The following NPAS3 variants were observed in gnomAD, a reference collection of about 807,000 sequenced individuals.
NPAS3 encodes the protein neuronal PAS domain-containing protein 3.
A neutral mutation model predicts 73.1 loss-of-function variants in NPAS3; 14 were observed. That is an observed-to-expected ratio of 0.19 (90% confidence interval 0.13 to 0.30). The LOEUF (loss-of-function observed/expected upper bound fraction) is 0.30. NPAS3 is among the 10% of genes least tolerant of loss of function. The probability of loss-of-function intolerance (pLI) is 1.00; values close to 1 mark genes in which losing one functional copy is unlikely to be tolerated. For synonymous variants in NPAS3, 620 were observed against 541.5 expected (o/e 1.14, Z -2.01); for missense variants, 1,096 against 1,250.0 (o/e 0.88, Z 1.86).
chr14:32,937,904 G>A (rs538572321), upstream of NPAS3, among the ~76,000 whole-genome samples: 6 of 152,228 alleles, frequency 3.9e-5, no homozygotes, highest in South Asian at 1.2e-3. Flanking sequence ...AAAACGCTCT[G>A]ACCAGGGTCT....
chr14:33,459,385 A>C (rs781523323), intron 4 of NPAS3, among the ~76,000 whole-genome samples: 4 of 152,230 alleles, frequency 2.6e-5, no homozygotes, highest in African/African-American at 9.6e-5. Context: ...AAACTATAAA[A>C]TATTATACAA....
intron 4 of NPAS3, among the ~76,000 whole-genome samples, chr14:33,521,954 G>GTA (rs1419003221): frequency 1.3e-5 from 2 of 152,022 alleles, no homozygotes; most frequent in Non-Finnish European, 2.9e-5. Flanking sequence ...TTACCTATTT[G>GTA]ATTAATTTGT....
At chr14:32,970,594 C>A (rs972664325) in intron 1 of NPAS3, among the ~76,000 whole-genome samples, 1 of 152,110 alleles carries the variant, frequency 6.6e-6, no homozygotes, top group Admixed American at 6.6e-5. Context: ...TGCAGCCTTA[C>A]GTCTTTTCAT....
At chr14:33,197,878 G>A (rs1486690070) in intron 2 of NPAS3, among the ~76,000 whole-genome samples, 8 of 152,188 alleles carry the variant, frequency 5.3e-5, no homozygotes, top group Non-Finnish European at 1.0e-4. Context: ...ACGAAGCCGC[G>A]GACCCTCGCG....
intron 3 of NPAS3, among the ~76,000 whole-genome samples, chr14:33,248,639 A>G (rs2048472745): frequency 6.6e-6 from 1 of 152,206 alleles, no homozygotes; most frequent in African/African-American, 2.4e-5. Flanking sequence ...TGACAGTGCA[A>G]TTATATTCCA....
intron 3 of NPAS3, among the ~76,000 whole-genome samples, chr14:33,216,934 A>T (rs2047244647): frequency 6.6e-6 from 1 of 152,012 alleles, no homozygotes; most frequent in African/African-American, 2.4e-5. Context: ...TGTAGATATC[A>T]ATTCAATAAC....
At chr14:33,793,847 A>AT in intron 9 of NPAS3, 50 bp from the exon 10 acceptor site, 1 of 1,511,384 alleles carries the variant, frequency 6.6e-7, no homozygotes, top group Non-Finnish European at 8.9e-7. Context: ...AAAAAAAGTT[A>AT]TTTGATCCCA....
rs368903735 is a variant in NPAS3 at position 33,509,428 on chromosome 14, T to A, written c.469-50693T>A. Among the ~76,000 whole-genome samples the A allele has an allele frequency of 2.5e-4, 38 of 152,144 alleles. 1 individual carries two copies. The highest frequency in any genetic ancestry group is 9.1e-4 in the African/African-American group (38 of 41,546). ...TACAAAATGACTTGCCCTGATCCAGTAGCTACTTGAAAGCAGACAGATCTA... is the reference window on the plus strand; with the variant it reads ...TACAAAATGACTTGCCCTGATCCAGAAGCTACTTGAAAGCAGACAGATCTA... On this transcript the variant is annotated intron_variant, in intron 4 of 11. Transcript: ENST00000356141.
At chr14:33,307,573 C>T (rs1472794200) in intron 3 of NPAS3, among the ~76,000 whole-genome samples, 2 of 71,410 alleles carry the variant, frequency 2.8e-5, no homozygotes, top group African/African-American at 1.1e-4. Flanking sequence ...ACGTTTTTCA[C>T]CTCACCAGGT....
At chr14:33,196,941 T>C (rs746864313) in intron 2 of NPAS3, among the ~76,000 whole-genome samples, 2 of 152,170 alleles carry the variant, frequency 1.3e-5, no homozygotes, top group Non-Finnish European at 2.9e-5. Flanking sequence ...CCTGGTATTT[T>C]TTCTTCTCCC....
chr14:33,299,122 C>T (rs983811693), intron 3 of NPAS3, among the ~76,000 whole-genome samples: 1 of 152,158 alleles, frequency 6.6e-6, no homozygotes, highest in African/African-American at 2.4e-5. Context: ...AGATCTATGT[C>T]TATATACCAA....
At chr14:33,306,841 C>T (rs34545629) in intron 3 of NPAS3, among the ~76,000 whole-genome samples, 8,635 of 152,058 alleles carry the variant, frequency 0.057, 255 homozygotes, top group East Asian at 0.095. Flanking sequence ...AAACTGACAC[C>T]GTAAAAATGC....
intron 7 of NPAS3, among the ~76,000 whole-genome samples, chr14:33,747,537 A>G (rs79380548): frequency 0.061 from 9,260 of 152,212 alleles, 918 homozygotes; most frequent in African/African-American, 0.21. Context: ...TTTGAGTAAT[A>G]AGACTCTTAC....
chr14:33,800,573 C>T lies in NPAS3; in HGVS notation c.2266C>T (p.Arg756Trp), dbSNP rs2138692110. Residue 756 changes from arginine to tryptophan, a missense_variant, in exon 12 of 12, where the codon CGG (arginine) becomes TGG (tryptophan). Transcript: ENST00000356141. The surrounding 1 kb of genome is among the most constrained non-coding windows in gnomAD (Gnocchi z 6.5). Reference sequence around the variant, plus strand: ...GTCACCCCCGCTCTCGGCGTCCCCGCGGGACAAGCACCCCGGGAACGGCGG... The same window carrying T: ...GTCACCCCCGCTCTCGGCGTCCCCGTGGGACAAGCACCCCGGGAACGGCGG... 1.5e-6 allele frequency: 2 copies of T among 1,307,284 alleles called. No homozygotes were observed. The highest frequency in any genetic ancestry group is 1.6e-5 in the African/African-American group (1 of 64,192). 81.0% of individuals were successfully genotyped at this position (1,307,284 alleles called of 1,614,324 possible).
chr14:33,505,129 A>G (rs546264856), intron 4 of NPAS3, among the ~76,000 whole-genome samples: 11 of 152,152 alleles, frequency 7.2e-5, no homozygotes, highest in African/African-American at 2.6e-4. Flanking sequence ...TGGTCAGAGC[A>G]TTCTCAGTAT....
At chr14:33,670,403 T>C (rs1309165754) in intron 5 of NPAS3, among the ~76,000 whole-genome samples, 2 of 152,126 alleles carry the variant, frequency 1.3e-5, no homozygotes, top group Non-Finnish European at 2.9e-5. Flanking sequence ...TTCAGATAAG[T>C]CAGCAAATAC....
rs112891713 is a variant in NPAS3 at position 33,695,922 on chromosome 14, G to T, written c.733+19537G>T. Among the ~76,000 whole-genome samples, 666 of 152,276 alleles carry T rather than the reference G, an allele frequency of 4.4e-3. 3 individuals are homozygous for T. Among genetic ancestry groups the T allele is most frequent in the African/African-American group, 0.015 (614 of 41,560 alleles). On this transcript the variant is annotated intron_variant, in intron 6 of 11. Transcript: ENST00000356141. ...AAGTCAGGTAGCACTTAATGTAGGG[G>T]TACCCTATGTCATTAAAAAATGACT... is the stretch of plus-strand genomic sequence containing the variant.
intron 3 of NPAS3, among the ~76,000 whole-genome samples, chr14:33,316,655 A>G (rs1270189252): frequency 6.6e-6 from 1 of 152,090 alleles, no homozygotes; most frequent in Non-Finnish European, 1.5e-5. Flanking sequence ...GAGTATCATG[A>G]GGAGAGGCAC....
intron 2 of NPAS3, among the ~76,000 whole-genome samples, chr14:33,163,073 C>T (rs1477144840): frequency 2.0e-5 from 3 of 152,140 alleles, no homozygotes; most frequent in South Asian, 2.1e-4. Flanking sequence ...TTCAAAAAAC[C>T]GTGCAGTGTT....
Sources: allele counts gnomAD v4.1 joint callset (sites outside exome capture counted in the v4.1 genomes callset), GRCh38; gene constraint gnomAD v4.1.1; non-coding constraint Gnocchi (gnomAD v3.1); transcripts MANE v1.5; gene names NCBI Gene and HGNC (gene_info 2026-07-23, HGNC 2026-07-21).